PLSCR2: variants seen among roughly 807,000 people sequenced by gnomAD.
PLSCR2 encodes the protein phospholipid scramblase 2.
In PLSCR2, 18 loss-of-function variants were observed where a neutral mutation model predicts 25.3. The observed-to-expected ratio is 0.71, with a 90% CI of 0.49 to 1.06. PLSCR2 has a LOEUF of 1.06. PLSCR2 is among the 50% of genes least tolerant of loss of function. The probability of loss-of-function intolerance (pLI) is 0.00; values close to 1 mark genes in which losing one functional copy is unlikely to be tolerated. For synonymous variants in PLSCR2, 88 were observed against 87.3 expected (o/e 1.01, Z -0.04); for missense variants, 243 against 269.5 (o/e 0.90, Z 0.69).
downstream of PLSCR2, among the ~76,000 whole-genome samples, chr3:146,438,084 T>C (rs981626856): frequency 2.0e-5 from 3 of 152,224 alleles, no homozygotes; most frequent in African/African-American, 4.8e-5. Flanking sequence ...TTGAGCAGTT[T>C]TGAGTGAGTT....
At position 146,492,405 on chromosome 3, in the gene PLSCR2, A is replaced by G. The variant is rs935217173; in HGVS notation, c.-293+3490T>C. ...TAAGATCAACCACATACTTGTGCAT[A>G]AAGCAATTCACAAAAAATTTAAAAA... On this transcript the variant is annotated intron_variant, in intron 1 of 8. Coordinates refer to the PLSCR2 transcript ENST00000336685. Among the ~76,000 whole-genome samples the G allele has an allele frequency of 7.2e-5, 11 of 152,154 alleles. 1 individual carries two copies. Among genetic ancestry groups the G allele is most frequent in the Admixed American group, 6.5e-4 (10 of 15,270 alleles).
chr3:146,463,293 C>T (rs186947561), upstream of PLSCR2, among the ~76,000 whole-genome samples: 3 of 152,196 alleles, frequency 2.0e-5, no homozygotes, highest in East Asian at 1.9e-4. Flanking sequence ...TCTCCTGTCT[C>T]GGACTCCGGA....
chr3:146,485,973 C>T (rs1195453356), intron 1 of PLSCR2, among the ~76,000 whole-genome samples: 1 of 152,086 alleles, frequency 6.6e-6, no homozygotes. Context: ...GACCCACCCC[C>T]ATGATTCAAT....
chr3:146,411,072 AAC>A (rs1343188712), intron 2 of PLSCR2, among the ~76,000 whole-genome samples: 3 of 152,074 alleles, frequency 2.0e-5, no homozygotes, highest in African/African-American at 7.2e-5. Context: ...CAGAATTTAT[AAC>A]AGTTTTTTTT....
At chr3:146,456,684 C>T (rs758670365) in intron 3 of PLSCR2, among the ~76,000 whole-genome samples, 2 of 151,870 alleles carry the variant, frequency 1.3e-5, no homozygotes, top group Non-Finnish European at 2.9e-5. Flanking sequence ...ACTTTTCAGT[C>T]GTGGTAAGGT....
intron 2 of PLSCR2, chr3:146,398,809 C>G (rs995108425): frequency 3.9e-5 from 6 of 152,158 alleles, no homozygotes; most frequent in Middle Eastern, 3.2e-3. Flanking sequence ...CCTGGTGGAG[C>G]TTCAACTTTT....
intron 2 of PLSCR2, among the ~76,000 whole-genome samples, chr3:146,421,755 G>A (rs561930135): frequency 2.6e-5 from 4 of 152,218 alleles, no homozygotes; most frequent in Non-Finnish European, 5.9e-5. Context: ...AGTAGTGAAT[G>A]GGTGTGACAA....
chr3:146,477,886 A>G (rs190441530), intron 1 of PLSCR2, among the ~76,000 whole-genome samples: 1 of 152,312 alleles, frequency 6.6e-6, no homozygotes, highest in African/African-American at 2.4e-5. Flanking sequence ...AAGCTTCCAG[A>G]GGAAGGATCA....
intron 2 of PLSCR2, among the ~76,000 whole-genome samples, chr3:146,403,957 C>T (rs1269411989): frequency 6.6e-6 from 1 of 152,146 alleles, no homozygotes; most frequent in Non-Finnish European, 1.5e-5. Flanking sequence ...CATTCTCCAC[C>T]TTGACTCATT....
At chr3:146,409,881 T>A (rs2038788673) in intron 2 of PLSCR2, among the ~76,000 whole-genome samples, 1 of 152,076 alleles carries the variant, frequency 6.6e-6, no homozygotes, top group African/African-American at 2.4e-5. Flanking sequence ...AAAACAGAAT[T>A]AACCAGAAAG....
At chr3:146,470,533 G>T (rs1289327561) in intron 1 of PLSCR2, among the ~76,000 whole-genome samples, 1 of 152,134 alleles carries the variant, frequency 6.6e-6, no homozygotes, top group African/African-American at 2.4e-5. Context: ...GGGAGAGAGA[G>T]CAAGACTCGT....
intron 1 of PLSCR2, among the ~76,000 whole-genome samples, chr3:146,471,361 A>G (rs939266554): frequency 2.0e-5 from 3 of 152,206 alleles, no homozygotes; most frequent in Non-Finnish European, 2.9e-5. Context: ...GGCAAGCATT[A>G]TCTTATTTTT....
At chr3:146,430,291 A>G (rs1335908056), downstream of PLSCR2, among the ~76,000 whole-genome samples, 1 of 152,158 alleles carries the variant, frequency 6.6e-6, no homozygotes, top group Non-Finnish European at 1.5e-5. Flanking sequence ...TATCAATGAC[A>G]ACTATACTAT....
chr3:146,419,426 A>T (rs543068341), intron 2 of PLSCR2, among the ~76,000 whole-genome samples: 1 of 152,204 alleles, frequency 6.6e-6, no homozygotes, highest in Admixed American at 6.6e-5. Flanking sequence ...CCATTACACA[A>T]TTCCAAAGCC....
chr3:146,460,443 G>GAAAAAAAAAAAAAA (rs59446001), upstream of PLSCR2, among the ~76,000 whole-genome samples: 2 of 133,774 alleles, frequency 1.5e-5, no homozygotes, highest in Non-Finnish European at 1.6e-5. Flanking sequence ...GATGAAATTG[G>GAAAAAAAAAAAAAA]AAAAAAAAAA....
In PLSCR2 at chr3:146,459,731, TTTAA is replaced by T. The variant is rs555729515; in HGVS notation, c.57+113_57+116del. 3.3e-4 allele frequency: 237 copies of T among 723,654 alleles called. 1 individual carries two copies. The highest frequency in any genetic ancestry group is 1.9e-3 in the African/African-American group (106 of 55,688). The allele number at this position is 723,654 out of a possible 1,614,324, so 44.8% of individuals were successfully genotyped here. A position where few individuals can be genotyped will look rare whatever the true frequency, so the allele number is the denominator to read the frequency against. On this transcript the variant is annotated intron_variant, in intron 2 of 6. Coordinates refer to ENST00000610787, the Ensembl canonical transcript of PLSCR2. ...GAATGTGCTGTTTACCATTTCTGAC[TTTAA>T]TTAATTAATAAGCAGTAAATAAATA...
chr3:146,455,483 T>C (rs536353793), intron 3 of PLSCR2, 24 bp from the exon 4 acceptor site: 1 of 1,390,334 alleles, frequency 7.2e-7, no homozygotes, highest in South Asian at 1.2e-5. Flanking sequence ...TAAAATCAGT[T>C]GCCTTTACGT....
chr3:146,470,376 C>T (rs1359882572), intron 1 of PLSCR2, among the ~76,000 whole-genome samples: 2 of 152,082 alleles, frequency 1.3e-5, no homozygotes. Context: ...GAAACCCCGT[C>T]TCTACTAAAA....
At chr3:146,449,550 T>C (rs758252899) in intron 5 of PLSCR2, among the ~76,000 whole-genome samples, 183 bp from the exon 6 acceptor site, 12 of 152,052 alleles carry the variant, frequency 7.9e-5, no homozygotes, top group Non-Finnish European at 1.8e-4. Flanking sequence ...CATAAAAAAC[T>C]GTTCTATTGT....
Sources: allele counts gnomAD v4.1 joint callset (sites outside exome capture counted in the v4.1 genomes callset), GRCh38; gene constraint gnomAD v4.1.1; transcripts MANE v1.5; gene names NCBI Gene and HGNC (gene_info 2026-07-23, HGNC 2026-07-21).